The following COX10 variants were observed in gnomAD, a reference collection of about 807,000 sequenced individuals.
COX10 encodes the protein cytochrome c oxidase assembly factor heme A:farnesyltransferase COX10, also known as protoheme IX farnesyltransferase, mitochondrial.
A neutral mutation model predicts 37.3 loss-of-function variants in COX10; 27 were observed. That is an observed-to-expected ratio of 0.72 (90% CI 0.53 to 1.00). COX10 has a LOEUF of 1.00. Ranked by LOEUF, COX10 falls within the 50% of genes least tolerant of loss-of-function variation. The pLI is 0.00. For synonymous variants in COX10, 222 were observed against 229.1 expected, an observed-to-expected ratio of 0.97 and a Z score of 0.28; for missense variants, 475 against 563.2, an observed-to-expected ratio of 0.84 and a Z score of 1.59.
chr17:14,158,495 AT>A (rs914468443), intron 4 of COX10, among the ~76,000 whole-genome samples: 1 of 151,594 alleles, frequency 6.6e-6, no homozygotes, highest in African/African-American at 2.4e-5. Context: ...ACTAGTGTTT[AT>A]TTTTTTCTAA....
chr17:14,116,654 TAC>T (rs71352451), intron 4 of COX10, among the ~76,000 whole-genome samples: 139 of 150,416 alleles, frequency 9.2e-4, no homozygotes, highest in Middle Eastern at 3.4e-3. Context: ...TGCATGCATG[TAC>T]ACACACACAC....
In COX10 at chr17:14,175,547, T is replaced by C. The variant is rs563221043; in HGVS notation, c.695+15600T>C. Among the ~76,000 whole-genome samples the C allele has an allele frequency of 2.1e-4, 32 of 151,868 alleles. 1 individual carries two copies. In the South Asian group the frequency reaches 6.5e-3, roughly 31 times the overall value. On this transcript the variant is annotated intron_variant, in intron 5 of 6. Transcript: ENST00000261643. ...ATACTGCTGTCATCATTGTTACTAC[T>C]TTTTTCAGAATTGTGTCCTCAGCAT...
chr17:14,165,405 A>G (rs1367973686), intron 5 of COX10, among the ~76,000 whole-genome samples: 1 of 152,132 alleles, frequency 6.6e-6, no homozygotes, highest in East Asian at 1.9e-4. Flanking sequence ...TGACATGGTG[A>G]TCAGTGATGT....
intron 4 of COX10, among the ~76,000 whole-genome samples, chr17:14,159,540 T>G (rs1003717873): frequency 2.0e-5 from 3 of 151,922 alleles, no homozygotes; most frequent in Admixed American, 6.6e-5. Context: ...ACTGCGGGAG[T>G]TGAGTATGTG....
intron 5 of COX10, among the ~76,000 whole-genome samples, chr17:14,184,413 A>G (rs1905963067): frequency 6.6e-6 from 1 of 152,248 alleles, no homozygotes; most frequent in African/African-American, 2.4e-5. Context: ...AAAAAGTATT[A>G]AAGTATTTTA....
rs562201713 is a variant in COX10 at position 14,177,235 on chromosome 17, A to G, written c.696-14754A>G. 9.5e-6 allele frequency: 7 copies of G among 733,516 alleles called. 1 individual carries two copies. The South Asian group carries it at 1.0e-4, about 10-fold the overall frequency. The allele number at this position is 733,516 out of a possible 1,614,324, so 45.4% of individuals were successfully genotyped here. On this transcript the variant is annotated intron_variant, in intron 5 of 6. Transcript: ENST00000261643. ...TCTAGGGGCTTCTGGCACTGGTGCAAGGCAGAGCTGTGCTTCCTTGGGAGT... is the reference window on the plus strand; with the variant it reads ...TCTAGGGGCTTCTGGCACTGGTGCAGGGCAGAGCTGTGCTTCCTTGGGAGT...
At chr17:14,072,165 A>G (rs549103310) in intron 1 of COX10, among the ~76,000 whole-genome samples, 41 of 152,314 alleles carry the variant, frequency 2.7e-4, no homozygotes, top group Non-Finnish European at 5.6e-4. Flanking sequence ...TCAGTTTCAT[A>G]GCTGTTTTTT....
chr17:14,133,691 C>T (rs1345498508), intron 4 of COX10, among the ~76,000 whole-genome samples: 1 of 151,514 alleles, frequency 6.6e-6, no homozygotes, highest in African/African-American at 2.4e-5. Context: ...AAAGAGTTTG[C>T]TAGATGTTAA....
Position 14,207,342 on chromosome 17 carries a change from C to A in COX10, c.*129C>A. The A allele has an allele frequency of 6.8e-6, 8 of 1,180,562 alleles. No homozygotes were observed. Among genetic ancestry groups the A allele is most frequent in the South Asian group, 3.6e-5 (2 of 56,054 alleles). 73.1% of individuals were successfully genotyped at this position (1,180,562 alleles called of 1,614,324 possible). A position where few individuals can be genotyped will look rare whatever the true frequency, so the allele number is the denominator to read the frequency against. ...ATAAACGAATTCGGTGCTCAGTGATCACTTGACAGTTTTTTTTTTTTTTAA... is the reference window on the plus strand; with the variant it reads ...ATAAACGAATTCGGTGCTCAGTGATAACTTGACAGTTTTTTTTTTTTTTAA... On this transcript the variant is annotated 3_prime_UTR_variant, in exon 7 of 7. Coordinates refer to ENST00000261643, the MANE Select transcript of COX10 (RefSeq NM_001303.4).
intron 3 of COX10, among the ~76,000 whole-genome samples, chr17:14,092,518 T>G (rs1053536912): frequency 6.6e-6 from 1 of 152,128 alleles, no homozygotes; most frequent in African/African-American, 2.4e-5. Flanking sequence ...TGTAATCAGT[T>G]AGGCCCCTGA....
chr17:14,090,620 T>A (rs1915506499), intron 3 of COX10, among the ~76,000 whole-genome samples: 1 of 152,178 alleles, frequency 6.6e-6, no homozygotes, highest in South Asian at 2.1e-4. Context: ...TCTCTCAGCC[T>A]GTGGATTTTG....
In COX10 at chr17:14,175,041, A is replaced by G. The variant is rs1167246550; in HGVS notation, c.695+15094A>G. Among the ~76,000 whole-genome samples, 17 of 95,660 alleles carry G rather than the reference A, an allele frequency of 1.8e-4. 1 individual carries two copies. The highest frequency in any genetic ancestry group is 5.8e-4 in the African/African-American group (17 of 29,478). The allele number at this position is 95,660 out of a possible 152,430, so 62.8% of individuals were successfully genotyped here. On this transcript the variant is annotated intron_variant, in intron 5 of 6. Transcript: ENST00000261643. ...ATTTATATGACATTTTGGAAAGCCA[A>G]AACTAGGCACAGAAGTAAGATCAGT... is the stretch of plus-strand genomic sequence containing the variant.
At position 14,206,798 on chromosome 17, in the gene COX10, A is replaced by ACTC. The variant is rs1555542475; in HGVS notation, c.929-11_929-10insTCC. ...GCCTTTGTCTCCCTCTCCTTCCCTGACCCCCGCACAGGCGCATTTCTCCTG... is the reference window on the plus strand; with the variant it reads ...GCCTTTGTCTCCCTCTCCTTCCCTGACTCCCCCCGCACAGGCGCATTTCTCCTG... On this transcript the variant is annotated splice_polypyrimidine_tract_variant and intron_variant, in intron 6 of 6. Transcript: ENST00000261643. 1.5e-5 allele frequency: 25 copies of ACTC among 1,613,684 alleles called. No individual in the cohort carries two copies. The highest frequency in any genetic ancestry group is 1.2e-4 in the African/African-American group (9 of 74,922).
chr17:14,075,039 A>G lies in COX10; in HGVS notation c.177+583A>G, dbSNP rs554288175. On this transcript the variant is annotated intron_variant, in intron 2 of 6. Transcript: ENST00000261643. ...AGGAAGGCCATTTGCATTTTCTCAG[A>G]TGGAAAAGGGTCATAGAATGGCAAA... Among the ~76,000 whole-genome samples the G allele has an allele frequency of 3.0e-4, 46 of 152,348 alleles. 1 individual carries two copies. Among genetic ancestry groups the G allele is most frequent in the African/African-American group, 1.1e-3 (44 of 41,592 alleles).
At chr17:14,165,499 G>A (rs1447518986) in intron 5 of COX10, among the ~76,000 whole-genome samples, 1 of 152,206 alleles carries the variant, frequency 6.6e-6, no homozygotes, top group Admixed American at 6.5e-5. Flanking sequence ...GTGGTTGTGT[G>A]TGTTTTGACT....
chr17:14,174,244 G>T (rs1305857849), intron 5 of COX10, among the ~76,000 whole-genome samples: 6 of 152,068 alleles, frequency 3.9e-5, no homozygotes, highest in Non-Finnish European at 7.4e-5. Context: ...AGGACTGCTT[G>T]AGCCCAGGAG....
chr17:14,084,270 A>G (rs1322927742), intron 3 of COX10, among the ~76,000 whole-genome samples: 1 of 152,144 alleles, frequency 6.6e-6, no homozygotes, highest in Non-Finnish European at 1.5e-5. Flanking sequence ...AAGTGCCTTG[A>G]TATATTTACT....
intron 3 of COX10, among the ~76,000 whole-genome samples, chr17:14,079,953 A>G (rs1915247054): frequency 6.6e-6 from 1 of 152,020 alleles, no homozygotes; most frequent in South Asian, 2.1e-4. Context: ...TTCACTGCAT[A>G]CTATTCCATT....
intron 5 of COX10, among the ~76,000 whole-genome samples, chr17:14,184,128 C>T (rs1299869571): frequency 6.6e-6 from 1 of 152,160 alleles, no homozygotes. Context: ...CTCACGATCA[C>T]ACGGCTAAAC....
Sources: allele counts gnomAD v4.1 joint callset (sites outside exome capture counted in the v4.1 genomes callset), GRCh38; gene constraint gnomAD v4.1.1; transcripts MANE v1.5; gene names NCBI Gene and HGNC (gene_info 2026-07-23, HGNC 2026-07-21).